Variants in PCSK2 observed in about 807,000 individuals in gnomAD.
PCSK2 encodes proprotein convertase subtilisin/kexin type 2, also known as neuroendocrine convertase 2.
In PCSK2, 14 loss-of-function variants were observed where a neutral mutation model predicts 69.7. The observed-to-expected ratio is 0.20, with a 90% CI of 0.13 to 0.31. PCSK2 has a LOEUF of 0.31. Ranked by LOEUF, PCSK2 falls within the 10% of genes least tolerant of loss-of-function variation. The pLI is 1.00. For missense variants in PCSK2, 544 were observed against 842.5 expected (o/e 0.65, Z 4.39); for synonymous variants, 307 against 320.7 (o/e 0.96, Z 0.46).
At chr20:17,328,404 TTA>T (rs929624056) in intron 2 of PCSK2, among the ~76,000 whole-genome samples, 30 of 148,588 alleles carry the variant, frequency 2.0e-4, no homozygotes, top group African/African-American at 5.6e-4. Context: ...TATTATGCAA[TTA>T]TATATATTAT....
chr20:17,238,214 T>C (rs750943550), intron 1 of PCSK2, among the ~76,000 whole-genome samples: 3 of 152,190 alleles, frequency 2.0e-5, no homozygotes, highest in East Asian at 1.9e-4. Flanking sequence ...GTGGTTAAAA[T>C]AGAAAAATAG....
At chr20:17,303,323 T>C (rs1481974024) in intron 2 of PCSK2, among the ~76,000 whole-genome samples, 1 of 136,148 alleles carries the variant, frequency 7.3e-6, no homozygotes, top group Non-Finnish European at 1.5e-5. Context: ...TAACCATATA[T>C]ATCTATTACA....
chr20:17,423,735 G>C (rs7269952), intron 6 of PCSK2, among the ~76,000 whole-genome samples: 16,621 of 151,854 alleles, frequency 0.11, 1,087 homozygotes, highest in Middle Eastern at 0.25. Flanking sequence ...GCTTAATATA[G>C]AAAATTTGTA....
intron 11 of PCSK2, chr20:17,479,138 C>T: frequency 1.5e-6 from 2 of 1,364,016 alleles, no homozygotes; most frequent in Non-Finnish European, 2.1e-6. Flanking sequence ...GTCCAGTTCT[C>T]CCATCTTACG....
intron 2 of PCSK2, among the ~76,000 whole-genome samples, chr20:17,307,224 AT>A (rs1989354679): frequency 6.6e-6 from 1 of 152,204 alleles, no homozygotes; most frequent in Non-Finnish European, 1.5e-5. Context: ...ATCTCAATCA[AT>A]TTTCAGACTA....
chr20:17,423,529 G>A (rs536301404), intron 6 of PCSK2, among the ~76,000 whole-genome samples: 2 of 152,270 alleles, frequency 1.3e-5, no homozygotes, highest in South Asian at 4.1e-4. Context: ...GATCTGGAAA[G>A]GGCAGAGGAT....
chr20:17,449,546 T>TATATATATATATATGTATG (rs1442630991), intron 8 of PCSK2, among the ~76,000 whole-genome samples: 1 of 49,902 alleles, frequency 2.0e-5, no homozygotes, highest in African/African-American at 8.0e-5. Context: ...ATATGTATAT[T>TATATATATATATATGTATG]TGAGACTGAG....
intron 5 of PCSK2, among the ~76,000 whole-genome samples, chr20:17,370,793 C>T (rs1260249989): frequency 6.6e-6 from 1 of 152,208 alleles, no homozygotes; most frequent in Non-Finnish European, 1.5e-5. Flanking sequence ...TCACCTTTCC[C>T]TGCCTCCTCC....
chr20:17,303,458 A>ATT (rs1278088667), intron 2 of PCSK2, among the ~76,000 whole-genome samples: 1 of 55,532 alleles, frequency 1.8e-5, no homozygotes, highest in African/African-American at 6.9e-5. Context: ...TATTATATTA[A>ATT]ATATAATATA....
At chr20:17,461,548 A>G (rs1364843159) in intron 10 of PCSK2, among the ~76,000 whole-genome samples, 1 of 152,208 alleles carries the variant, frequency 6.6e-6, no homozygotes, top group East Asian at 1.9e-4. Flanking sequence ...GACTTCTAGA[A>G]TTTACCAGAT....
rs139450354 is a variant in PCSK2 at position 17,306,646 on chromosome 20, G to A, written c.282+46302G>A. 9.0e-3 allele frequency among the ~76,000 whole-genome samples: 1,369 copies of A among 152,230 alleles called. 8 individuals carry two copies. Among genetic ancestry groups the A allele is most frequent in the South Asian group, 0.014 (66 of 4,816 alleles). ...TCAGTGCCTCGCAGTACCCTTCCCTGATTTCTCATTATTGCTCCATCTATG... is the reference window on the plus strand; with the variant it reads ...TCAGTGCCTCGCAGTACCCTTCCCTAATTTCTCATTATTGCTCCATCTATG... On this transcript the variant is annotated intron_variant, in intron 2 of 11. Coordinates refer to ENST00000262545, the MANE Select transcript of PCSK2 (RefSeq NM_002594.5).
chr20:17,442,017 CAAAAA>C lies in PCSK2; in HGVS notation c.885+5145_885+5149del, dbSNP rs11483753. On this transcript the variant is annotated intron_variant, in intron 8 of 11. Transcript: ENST00000262545. Reference sequence around the variant, plus strand: ...ATGATTGGTGTCCTTATTTAAAAGACAAAAAAAAAAAAAAAGAACAGGAACATCTG... The same window carrying C: ...ATGATTGGTGTCCTTATTTAAAAGACAAAAAAAAAAGAACAGGAACATCTG... 3.2e-5 allele frequency among the ~76,000 whole-genome samples: 3 copies of C among 93,486 alleles called. No individual in the cohort carries two copies. In the South Asian group the frequency reaches 9.0e-4, roughly 28 times the overall value. 61.3% of individuals were successfully genotyped at this position (93,486 alleles called of 152,430 possible). A position where few individuals can be genotyped will look rare whatever the true frequency, so the allele number is the denominator to read the frequency against.
intron 4 of PCSK2, among the ~76,000 whole-genome samples, chr20:17,367,884 C>T (rs2030643285): frequency 6.6e-6 from 1 of 152,148 alleles, no homozygotes; most frequent in South Asian, 2.1e-4. Context: ...ATGCCTTTCC[C>T]TCTGAAGACT....
At chr20:17,449,653 G>C (rs6136097) in intron 8 of PCSK2, among the ~76,000 whole-genome samples, 1 of 151,310 alleles carries the variant, frequency 6.6e-6, no homozygotes, top group South Asian at 2.1e-4. Flanking sequence ...TCAGCCTCCC[G>C]AGTAGCTGGG....
At chr20:17,336,944 G>A (rs1990370007) in intron 2 of PCSK2, among the ~76,000 whole-genome samples, 2 of 152,182 alleles carry the variant, frequency 1.3e-5, no homozygotes, top group South Asian at 4.1e-4. Flanking sequence ...CTTAGTCTGT[G>A]TCAGAGATGA....
At chr20:17,379,504 T>A (rs1025106602) in intron 5 of PCSK2, among the ~76,000 whole-genome samples, 1 of 152,260 alleles carries the variant, frequency 6.6e-6, no homozygotes, top group Admixed American at 6.5e-5. Context: ...TGTGGTTGTG[T>A]CAAAGAATCA....
intron 5 of PCSK2, among the ~76,000 whole-genome samples, chr20:17,406,614 G>A (rs1047399535): frequency 1.4e-4 from 22 of 152,254 alleles, no homozygotes; most frequent in Admixed American, 9.2e-4. Flanking sequence ...TGCCATGTCC[G>A]GCCAAACTAT....
intron 8 of PCSK2, among the ~76,000 whole-genome samples, chr20:17,443,627 T>C (rs2032640563): frequency 6.6e-6 from 1 of 152,142 alleles, no homozygotes; most frequent in Non-Finnish European, 1.5e-5. Flanking sequence ...ATGTGTGCCC[T>C]CTGTCCAGAC....
At chr20:17,226,864 G>A (rs1985925023), upstream of PCSK2, 1 of 146,580 alleles carries the variant, frequency 6.8e-6, no homozygotes, top group African/African-American at 2.5e-5. Context: ...GCCGGGCCGG[G>A]GGTGGGCGGG....
Sources: gnomAD v4.1 joint callset for allele counts (sites outside exome capture counted in the v4.1 genomes callset) on GRCh38, gnomAD v4.1.1 for gene constraint, MANE v1.5 for transcripts, NCBI Gene and HGNC (gene_info 2026-07-23, HGNC 2026-07-21) for gene names.